Variants in TTN observed in about 807,000 individuals in gnomAD.
TTN encodes connectin.
In TTN, 1,525 loss-of-function variants were observed where a neutral mutation model predicts 3,223.0. The observed-to-expected ratio is 0.47, with a 90% CI of 0.45 to 0.49. The LOEUF is 0.49. TTN is among the 20% of genes least tolerant of loss of function. TTN has a pLI of 0.00. For synonymous variants in TTN, 14,094 were observed against 15,161.0 expected, an observed-to-expected ratio of 0.93 and a Z score of 5.17; for missense variants, 40,786 against 43,424.0, an observed-to-expected ratio of 0.94 and a Z score of 5.40.
intron 138 of TTN, 38 bp from the exon 139 acceptor site, chr2:178,680,369 A>C (rs1484427619): frequency 6.4e-7 from 1 of 1,557,520 alleles, no homozygotes; most frequent in Non-Finnish European, 8.8e-7. Flanking sequence ...TATTGTCAGT[A>C]AAAGGCCACC....
chr2:178,582,291 CCTA>C lies in TTN; in HGVS notation c.66160+2_66160+4del. ...AAATGAAAAACCACCGGGAAATGTT[CCTA>C]CCATATGGGTTTTTGGCAATTGCTG... On this transcript the variant is annotated splice_donor_variant and splice_donor_region_variant and intron_variant, in intron 314 of 362. Transcript: ENST00000589042. LOFTEE classifies it high-confidence loss of function. 6.3e-7 allele frequency: 1 copy of C among 1,581,996 alleles called. No individual in the cohort carries two copies. Among genetic ancestry groups the C allele is most frequent in the Non-Finnish European group, 8.6e-7 (1 of 1,169,190 alleles).
Position 178,575,161 on chromosome 2 carries a change from C to T in TTN, c.70971G>A (p.Val23657=), listed in dbSNP as rs1709600974. The T allele has an allele frequency of 1.2e-6, 2 of 1,612,676 alleles. No individual in the cohort carries two copies. Among genetic ancestry groups the T allele is most frequent in the Non-Finnish European group, 8.5e-7 (1 of 1,179,310 alleles). The change falls in exon 326 of 363, where the codon GTG becomes GTA. Residue 23657 remains valine (V), a synonymous_variant. Transcript: ENST00000589042. The surrounding 1 kb of genome is among the most constrained non-coding windows in gnomAD (Gnocchi z 4.0). ...TCACTGTGGGCTTCGGTCGACCGAG[C>T]ACTGGAATTTCAACTTTGATGTTGT... ...AGDNIKVEIP[V]LGRPKPTVTW... is the part of the protein sequence containing the mutation.
chr2:178,540,893 T>G (rs1385748773), intron 350 of TTN, among the ~76,000 whole-genome samples: 1 of 152,228 alleles, frequency 6.6e-6, no homozygotes, highest in East Asian at 1.9e-4. Context: ...TTCTCTTAAA[T>G]GTGCTTCATT....
chr2:178,799,272 G>C lies in TTN; in HGVS notation c.914+215C>G. 3 of 669,740 alleles carry C rather than the reference G, an allele frequency of 4.5e-6. No individual in the cohort carries two copies. In the South Asian group the frequency reaches 5.5e-5, roughly 12 times the overall value. 41.5% of individuals were successfully genotyped at this position (669,740 alleles called of 1,614,324 possible). A position where few individuals can be genotyped will look rare whatever the true frequency, so the allele number is the denominator to read the frequency against. ...GCCTATAAAAACCCCTGAGACCCTA[G>C]TAGGCAGACACACAAGCGGCTGGAT... On this transcript the variant is annotated intron_variant, in intron 6 of 362. Coordinates refer to ENST00000589042, the MANE Select transcript of TTN (RefSeq NM_001267550.2).
intron 219 of TTN, chr2:178,641,572 G>A (rs2061240707): frequency 8.4e-6 from 2 of 237,204 alleles, no homozygotes; most frequent in South Asian, 1.5e-4. Flanking sequence ...CAAGTCTGTG[G>A]GAGAAACAGC....
At position 178,608,779 on chromosome 2, in the gene TTN, T is replaced by A. The variant is rs1381230857; in HGVS notation, c.52232A>T (p.Lys17411Met). The change falls in exon 274 of 363, where the codon AAG (lysine) becomes ATG (methionine). Residue 17411 changes from lysine (K) to methionine (M), a missense_variant. Physicochemically the swap from Lys to Met is moderately conservative, Grantham distance 95. Transcript: ENST00000589042. ...IINYTLEKKD[K>M]TKPDSEWIVV... ...AATCCATTCTGAGTCGGGTTTTGTCTTGTCTTTCTTTTCCAAAGTGTAGTT... is the reference window on the plus strand; with the variant it reads ...AATCCATTCTGAGTCGGGTTTTGTCATGTCTTTCTTTTCCAAAGTGTAGTT... The A allele has an allele frequency of 1.2e-6, 2 of 1,612,676 alleles. No homozygotes were observed. The highest frequency in any genetic ancestry group is 3.3e-4 in the Middle Eastern group (2 of 6,054).
rs1471584816 is a variant in TTN, at chr2:178,590,451, T to C, written c.61274A>G (p.Glu20425Gly). Residue 20425 changes from glutamate (E) to glycine (G), a missense_variant, in exon 304 of 363, where the codon GAA becomes GGA. By Grantham distance (98) the Glu-to-Gly change is moderately conservative. Coordinates refer to ENST00000589042, the MANE Select transcript of TTN (RefSeq NM_001267550.2). ...CCTAAAGGCACATTGCCTAATGAGT[T>C]CATCTTTATTAATCCTGTTCCATTG... ...TAQWNRINKD[E>G]LIRQCAFRVP... is the part of the protein sequence containing the mutation. 6.2e-7 allele frequency: 1 copy of C among 1,613,070 alleles called. No homozygotes were observed. Among genetic ancestry groups the C allele is most frequent in the East Asian group, 2.2e-5 (1 of 44,744 alleles).
intron 65 of TTN, 43 bp from the exon 66 acceptor site, chr2:178,728,821 C>A: frequency 6.3e-7 from 1 of 1,577,598 alleles, no homozygotes; most frequent in South Asian, 1.2e-5. Context: ...ATTGGTAACT[C>A]CACTAGAAAT....
At position 178,738,072 on chromosome 2, in the gene TTN, T is replaced by C. The variant is rs2081844392; in HGVS notation, c.14371+10A>G. The C allele has an allele frequency of 6.2e-7, 1 of 1,609,228 alleles. No individual in the cohort carries two copies. The highest frequency in any genetic ancestry group is 2.2e-5 in the East Asian group (1 of 44,752). On this transcript the variant is annotated intron_variant, in intron 49 of 362. Transcript: ENST00000589042. ...AAGTGACAACATCTGTGCCAATGTA[T>C]GGCATTTACCTGTCACAGTTAGTGT...
intron 238 of TTN, 130 bp from the exon 239 acceptor site, chr2:178,630,497 CT>C (rs1482443533): frequency 8.9e-6 from 11 of 1,235,236 alleles, no homozygotes; most frequent in Non-Finnish European, 1.1e-5. Context: ...ACTTTGAGCT[CT>C]TTTTTTAGGA....
Position 178,604,974 on chromosome 2 carries a change from G to A in TTN, c.54190+13C>T. The A allele has an allele frequency of 6.3e-7, 1 of 1,588,422 alleles. No homozygotes were observed. Among genetic ancestry groups the A allele is most frequent in the African/African-American group, 1.3e-5 (1 of 74,130 alleles). ...CTGGATGCCTTTTTGATGTAAGAAAGCAAGTCACTTACCATATACTTCAAC... is the reference window on the plus strand; with the variant it reads ...CTGGATGCCTTTTTGATGTAAGAAAACAAGTCACTTACCATATACTTCAAC... On this transcript the variant is annotated intron_variant, in intron 280 of 362. Transcript: ENST00000589042.
intron 152 of TTN, among the ~76,000 whole-genome samples, chr2:178,673,351 G>A (rs2067347135): frequency 6.6e-6 from 1 of 151,756 alleles, no homozygotes; most frequent in South Asian, 2.1e-4. Flanking sequence ...ATGTGGGGAA[G>A]AGGGATCCAT....
Position 178,618,435 on chromosome 2 carries a change from T to C in TTN, c.47023A>G (p.Ser15675Gly), listed in dbSNP as rs1318161801. 6.2e-7 allele frequency: 1 copy of C among 1,612,386 alleles called. No homozygotes were observed. Among genetic ancestry groups the C allele is most frequent in the African/African-American group, 1.3e-5 (1 of 74,828 alleles). The change falls in exon 252 of 363, where the codon AGC (serine) becomes GGC (glycine). Residue 15675 changes from serine to glycine, a missense_variant. Coordinates refer to ENST00000589042, the MANE Select transcript of TTN (RefSeq NM_001267550.2). ...GTTAAAGGTTCTTCCCAAGCAAGGC[T>C]CACTTCACCATCAAATGTTTCTGTC... ...EVTETFDGEV[S>G]LAWEEPLTDG...
At chr2:178,737,169 A>G (rs2081613179) in intron 49 of TTN, 1 of 152,174 alleles carries the variant, frequency 6.6e-6, no homozygotes, top group African/African-American at 2.4e-5. Flanking sequence ...AGAAAGGAAG[A>G]AAAGCTTGCT....
Position 178,557,532 on chromosome 2 carries a change from G to A in TTN, c.87730C>T (p.Pro29244Ser), listed in dbSNP as rs779810701. The change falls in exon 329 of 363, where the codon CCA (proline) becomes TCA (serine). Residue 29244 changes from proline to serine, a missense_variant. By Grantham distance (74) the Pro-to-Ser change is moderately conservative. Coordinates refer to ENST00000589042, the MANE Select transcript of TTN (RefSeq NM_001267550.2). Reference sequence around the variant, plus strand: ...TCTCGAGTAACATTAGTGACCCATGGTGTAGATGGTGGTCCAGGTGTTGCT... The same window carrying A: ...TCTCGAGTAACATTAGTGACCCATGATGTAGATGGTGGTCCAGGTGTTGCT... ...PYTTPGPPST[P>S]WVTNVTRESI... 7 of 1,613,786 alleles carry A rather than the reference G, an allele frequency of 4.3e-6. No individual in the cohort carries two copies. Among genetic ancestry groups the A allele is most frequent in the Non-Finnish European group, 5.1e-6 (6 of 1,179,858 alleles).
intron 111 of TTN, among the ~76,000 whole-genome samples, chr2:178,699,917 C>T (rs900076285): frequency 4.2e-5 from 6 of 142,780 alleles, no homozygotes; most frequent in Admixed American, 1.4e-4. Flanking sequence ...TTAGTAGAGA[C>T]GCGGTTTCAT....
At chr2:178,746,927 G>T (rs1457482937) in intron 47 of TTN, 15 of 1,613,424 alleles carry the variant, frequency 9.3e-6, no homozygotes, top group Non-Finnish European at 1.2e-5. Context: ...TATTTCATAA[G>T]CTGAACCCCT....
chr2:178,540,501 T>G, intron 350 of TTN, 131 bp from the exon 351 acceptor site: 1 of 816,940 alleles, frequency 1.2e-6, no homozygotes, highest in African/African-American at 1.7e-5. Context: ...CTTGTGAAAA[T>G]TTTATTCATG....
chr2:178,588,211 C>A lies in TTN; in HGVS notation c.63196G>T (p.Gly21066Cys). 1 of 1,568,440 alleles carries A rather than the reference C, an allele frequency of 6.4e-7. No individual in the cohort carries two copies. The highest frequency in any genetic ancestry group is 8.7e-7 in the Non-Finnish European group (1 of 1,154,316). ...ACCACTCTGAAATTGGTTGGTGGAC[C>A]AGGTGGCTCTGAAAGTAAAATATAC... ...VVAKDPIEPP[G>C]PPTNFRVVDT... Residue 21066 changes from glycine (G) to cysteine (C), a missense_variant, in exon 305 of 363, where the codon GGT becomes TGT. Gly to Cys is a radical substitution (Grantham distance 159). Transcript: ENST00000589042.
Sources: allele counts gnomAD v4.1 joint callset (sites outside exome capture counted in the v4.1 genomes callset), GRCh38; gene constraint gnomAD v4.1.1; non-coding constraint Gnocchi (gnomAD v3.1); transcripts MANE v1.5; gene names NCBI Gene and HGNC (gene_info 2026-07-23, HGNC 2026-07-21).